Variants in CHL1 observed in about 807,000 individuals in gnomAD.
CHL1 encodes neural cell adhesion molecule L1-like protein.
In CHL1, 96 loss-of-function variants were observed where a neutral mutation model predicts 141.9. That is an observed-to-expected ratio of 0.68 (90% CI 0.57 to 0.80). The LOEUF (loss-of-function observed/expected upper bound fraction) is 0.80. Among genes scored for constraint, CHL1 ranks in the 30% least tolerant of loss-of-function variants. CHL1 has a pLI of 0.00. For synonymous variants in CHL1, 613 were observed against 502.2 expected (o/e 1.22, Z -2.95); for missense variants, 1,820 against 1,457.2 (o/e 1.25, Z -4.05).
intron 1 of CHL1, among the ~76,000 whole-genome samples, chr3:234,932 T>C (rs1404099561): frequency 2.0e-5 from 3 of 152,156 alleles, no homozygotes; most frequent in South Asian, 4.1e-4. Context: ...CTAAAAGACT[T>C]CCAGGCAGTT....
chr3:288,013 C>A (rs998939609), intron 2 of CHL1, among the ~76,000 whole-genome samples: 17 of 152,280 alleles, frequency 1.1e-4, no homozygotes, highest in African/African-American at 3.9e-4. Flanking sequence ...GGCAATCTGC[C>A]CACCTTAGCC....
intron 5 of CHL1, among the ~76,000 whole-genome samples, chr3:337,208 T>TTG (rs1701944441): frequency 7.9e-6 from 1 of 127,174 alleles, no homozygotes. Context: ...TTTTTTTTTT[T>TTG]GAGACGGGGT....
rs933454313 is a variant in CHL1, at chr3:355,502, G to T, written c.1165+731G>T. Among the ~76,000 whole-genome samples the T allele has an allele frequency of 2.0e-5, 3 of 152,130 alleles. 1 individual carries two copies. Among genetic ancestry groups the T allele is most frequent in the Admixed American group, 2.0e-4 (3 of 15,266 alleles). On this transcript the variant is annotated intron_variant, in intron 11 of 27. Coordinates refer to ENST00000256509, the MANE Select transcript of CHL1 (RefSeq NM_006614.4). ...TGGAACCTAGAGCTCAGATTATTTT[G>T]GATGTCCTTGTTCAGGAAGAAGGAT...
chr3:270,618 A>T (rs910046643), intron 2 of CHL1, among the ~76,000 whole-genome samples: 16 of 152,366 alleles, frequency 1.1e-4, no homozygotes, highest in Admixed American at 1.0e-3. Flanking sequence ...TGCATAAAAA[A>T]TTACCCAAAA....
intron 1 of CHL1, 46 bp downstream of exon 1, chr3:197,109 G>A (rs1698393054): frequency 6.9e-6 from 1 of 144,456 alleles, no homozygotes; most frequent in Non-Finnish European, 1.5e-5. Context: ...TGCCGGCGCT[G>A]GGGGGGTCTC....
At position 219,966 on chromosome 3, in the gene CHL1, C is replaced by G. The variant is rs571101521; in HGVS notation, c.-175+22903C>G. 4.3e-4 allele frequency among the ~76,000 whole-genome samples: 65 copies of G among 152,268 alleles called. No individual in the cohort carries two copies. The South Asian group carries it at 0.013, about 31-fold the overall frequency. On this transcript the variant is annotated intron_variant, in intron 1 of 27. Transcript: ENST00000256509. ...AAATCACAGTGAAACAATTGTTCAT[C>G]TACATCATTGAATAATACTTAGTAT...
At chr3:234,727 T>A in intron 1 of CHL1, among the ~76,000 whole-genome samples, 1 of 152,078 alleles carries the variant, frequency 6.6e-6, no homozygotes, top group East Asian at 1.9e-4. Context: ...ATCCTGAGAT[T>A]GGCTATGTTT....
Position 405,628 on chromosome 3 carries a change from A to G in CHL1, c.3592A>G (p.Ile1198Val). 2 of 1,613,562 alleles carry G rather than the reference A, an allele frequency of 1.2e-6. No individual in the cohort carries two copies. Among genetic ancestry groups the G allele is most frequent in the Non-Finnish European group, 1.7e-6 (2 of 1,179,594 alleles). Reference sequence around the variant, plus strand: ...TCTCTTCAGTGAAGATGGATCATTTATTGGTGCCTACGCTGGATCTAAGGA... The same window carrying G: ...TCTCTTCAGTGAAGATGGATCATTTGTTGGTGCCTACGCTGGATCTAAGGA... ...HGLFSEDGSFIGAYAGSKEKG... is the reference protein window; with the variant it reads ...HGLFSEDGSFVGAYAGSKEKG... The change falls in exon 28 of 28, where the codon ATT (isoleucine) becomes GTT (valine). Residue 1198 changes from isoleucine (I) to valine (V), a missense_variant. By Grantham distance (29) the Ile-to-Val change is conservative. Coordinates refer to ENST00000256509, the MANE Select transcript of CHL1 (RefSeq NM_006614.4).
At chr3:398,126 G>T in intron 24 of CHL1, 101 bp from the exon 25 acceptor site, 1 of 618,002 alleles carries the variant, frequency 1.6e-6, no homozygotes, top group Non-Finnish European at 2.5e-6. Context: ...GAGAAAATAT[G>T]GTATAAGTGA....
intron 15 of CHL1, among the ~76,000 whole-genome samples, chr3:375,595 CACCA>C (rs1164253726): frequency 6.6e-6 from 1 of 151,814 alleles, no homozygotes; most frequent in Non-Finnish European, 1.5e-5. Context: ...GACATTAAAA[CACCA>C]ACCATGAGAA....
intron 1 of CHL1, among the ~76,000 whole-genome samples, chr3:214,977 C>CAG (rs1295451934): frequency 1.3e-4 from 20 of 152,088 alleles, no homozygotes; most frequent in African/African-American, 4.8e-4. Flanking sequence ...CACACACACA[C>CAG]ACACACGTAA....
intron 1 of CHL1, among the ~76,000 whole-genome samples, chr3:234,219 A>G (rs896558493): frequency 6.6e-5 from 10 of 151,228 alleles, no homozygotes; most frequent in African/African-American, 2.4e-4. Context: ...GTATATATGT[A>G]TGTATGTATA....
intron 3 of CHL1, among the ~76,000 whole-genome samples, chr3:322,367 T>A (rs1211340669): frequency 6.6e-6 from 1 of 151,918 alleles, no homozygotes; most frequent in African/African-American, 2.4e-5. Context: ...TATTCTACTC[T>A]GGCTGTCAAT....
intron 2 of CHL1, among the ~76,000 whole-genome samples, chr3:251,440 A>G (rs1395767011): frequency 2.0e-5 from 3 of 152,188 alleles, no homozygotes. Flanking sequence ...GTGGGCTCAT[A>G]ATCCTTATCT....
chr3:225,879 G>C (rs572376097), intron 1 of CHL1, among the ~76,000 whole-genome samples: 1 of 151,728 alleles, frequency 6.6e-6, no homozygotes, highest in Admixed American at 6.6e-5. Context: ...TGTGGTGGCA[G>C]GCACCTGTAG....
intron 2 of CHL1, among the ~76,000 whole-genome samples, chr3:261,253 C>T (rs1452335352): frequency 6.6e-6 from 1 of 151,626 alleles, no homozygotes; most frequent in African/African-American, 2.4e-5. Context: ...TTTTTTTTAC[C>T]TCCAAGTAAA....
At chr3:288,595 A>G (rs1401988395) in intron 2 of CHL1, among the ~76,000 whole-genome samples, 1 of 152,122 alleles carries the variant, frequency 6.6e-6, no homozygotes, top group Non-Finnish European at 1.5e-5. Flanking sequence ...GTTGTTTGTC[A>G]CAGGAGGGGG....
chr3:401,825 A>G, intron 27 of CHL1, 127 bp downstream of exon 27: 1 of 554,034 alleles, frequency 1.8e-6, no homozygotes, highest in Non-Finnish European at 3.0e-6. Context: ...TATAAAGAAT[A>G]CTTTGTACAA....
intron 1 of CHL1, among the ~76,000 whole-genome samples, chr3:211,074 C>T (rs557661109): frequency 2.6e-5 from 4 of 152,092 alleles, no homozygotes; most frequent in African/African-American, 4.8e-5. Context: ...TTAAGAGAAC[C>T]AGGAGTATCT....
Sources: gnomAD v4.1 joint callset for allele counts (sites outside exome capture counted in the v4.1 genomes callset) on GRCh38, gnomAD v4.1.1 for gene constraint, MANE v1.5 for transcripts, NCBI Gene and HGNC (gene_info 2026-07-23, HGNC 2026-07-21) for gene names.